Variants in RRBP1 observed in about 807,000 individuals in gnomAD.
RRBP1 encodes ribosome-binding protein 1.
A neutral mutation model predicts 165.2 loss-of-function variants in RRBP1; 94 were observed. The ratio of observed to expected loss-of-function variants is 0.57; its 90% CI spans 0.48 to 0.68. The LOEUF is 0.68. Ranked by LOEUF, RRBP1 falls within the 30% of genes least tolerant of loss-of-function variation. RRBP1 has a pLI of 0.00. For missense variants in RRBP1, 1,676 were observed against 1,763.0 expected (o/e 0.95, Z 0.88); for synonymous variants, 680 against 714.5 (o/e 0.95, Z 0.77).
intron 7 of RRBP1, among the ~76,000 whole-genome samples, 155 bp downstream of exon 7, chr20:17,635,391 C>G (rs2036228873): frequency 1.3e-5 from 2 of 152,224 alleles, no homozygotes; most frequent in South Asian, 4.1e-4. Context: ...CTCAGGGGCC[C>G]AGAACCCAGA....
At position 17,653,125 on chromosome 20, in the gene RRBP1, C is replaced by T. The variant is rs538572953; in HGVS notation, c.1912+5471G>A. 2.3e-3 allele frequency among the ~76,000 whole-genome samples: 350 copies of T among 152,348 alleles called. 1 individual carries two copies. Among genetic ancestry groups the T allele is most frequent in the Middle Eastern group, 6.8e-3 (2 of 294 alleles). On this transcript the variant is annotated intron_variant, in intron 3 of 24. Coordinates refer to ENST00000377813, the MANE Select transcript of RRBP1 (RefSeq NM_001365613.2). ...ACGGCCAAGCATCCAGAGAGCGCCA[C>T]CGACAACTGACTGCAGTGGTGGGAA...
At chr20:17,631,824 G>A (rs185069746) in intron 8 of RRBP1, among the ~76,000 whole-genome samples, 11 of 152,366 alleles carry the variant, frequency 7.2e-5, no homozygotes, top group Admixed American at 2.6e-4. Flanking sequence ...TGGCAGTGAA[G>A]GGGCCTCAGG....
chr20:17,658,812 GGTTT>G lies in RRBP1; in HGVS notation c.1692_1695del (p.Asn565ArgfsTer133). The G allele has an allele frequency of 6.2e-7, 1 of 1,613,996 alleles. No homozygotes were observed. Among genetic ancestry groups the G allele is most frequent in the Non-Finnish European group, 8.5e-7 (1 of 1,179,898 alleles). ...GGGGACCCTTCTGCTTTTTTCCCCT[GGTTT>G]GTAATACCCTCTACCTTTGTGCCCT... On this transcript the variant is annotated frameshift_variant, in exon 3 of 25. Transcript: ENST00000377813. LOFTEE classifies it high-confidence loss of function.
rs200284001 is a variant in RRBP1 at position 17,659,452 on chromosome 20, G to T, written c.1056C>A (p.Ala352=). 96 of 499,244 alleles carry T rather than the reference G, an allele frequency of 1.9e-4. 1 individual carries two copies. The highest frequency in any genetic ancestry group is 1.6e-3 in the Admixed American group (35 of 21,724). The allele number at this position is 499,244 out of a possible 1,614,324, so 30.9% of individuals were successfully genotyped here. ...TCTTGCCCTGATTCTGGGCCCCCTCGGCCTTCTTGCCCTGATTCTGGGCCC... is the reference window on the plus strand; with the variant it reads ...TCTTGCCCTGATTCTGGGCCCCCTCTGCCTTCTTGCCCTGATTCTGGGCCC... ...AEGAQNQGKK[A]EGAQNQGKKA... Residue 352 remains alanine (A), a synonymous_variant, in exon 3 of 25, where the codon GCC becomes GCA. Transcript: ENST00000377813.
intron 2 of RRBP1, among the ~76,000 whole-genome samples, chr20:17,663,158 G>A (rs899772592): frequency 7.2e-5 from 11 of 152,162 alleles, no homozygotes; most frequent in Non-Finnish European, 1.2e-4. Flanking sequence ...TTACCGAGTC[G>A]CGATTGGCAC....
At chr20:17,629,644 A>C in intron 9 of RRBP1, among the ~76,000 whole-genome samples, 179 bp downstream of exon 9, 1 of 142,976 alleles carries the variant, frequency 7.0e-6, no homozygotes, top group Non-Finnish European at 1.5e-5. Flanking sequence ...GCCCCCCGCC[A>C]GCCCCTGACT....
In RRBP1 at chr20:17,636,606, C is replaced by G. The variant is rs77969025; in HGVS notation, c.2308G>C (p.Val770Leu). 6.2e-7 allele frequency: 1 copy of G among 1,612,328 alleles called. No individual in the cohort carries two copies. Among genetic ancestry groups the G allele is most frequent in the Admixed American group, 1.7e-5 (1 of 60,032 alleles). The stretch of plus-strand genomic sequence containing the variant: ...CCCTGCAGCTGCTGCACCTCCTTCA[C>G]GTGCTCCCGGTAGCTGGCCTGCATG... ...ARMQASYREHVKEVQQLQGKI... is the reference protein window; with the variant it reads ...ARMQASYREHLKEVQQLQGKI... The change falls in exon 6 of 25, where the codon GTG (valine) becomes CTG (leucine). Residue 770 changes from valine to leucine, a missense_variant. Val to Leu is a conservative substitution (Grantham distance 32, BLOSUM62 1). Coordinates refer to ENST00000377813, the MANE Select transcript of RRBP1 (RefSeq NM_001365613.2).
At chr20:17,675,844 C>G (rs2037071166) in intron 2 of RRBP1, among the ~76,000 whole-genome samples, 1 of 152,124 alleles carries the variant, frequency 6.6e-6, no homozygotes, top group Non-Finnish European at 1.5e-5. Flanking sequence ...GCTCTGGCAA[C>G]AGACTAGAAG....
chr20:17,647,265 G>C (rs1258288531), intron 3 of RRBP1, among the ~76,000 whole-genome samples: 1 of 152,270 alleles, frequency 6.6e-6, no homozygotes, highest in Non-Finnish European at 1.5e-5. Context: ...AGGGCCATAA[G>C]GCAGAAGAGT....
chr20:17,637,909 T>C lies in RRBP1; in HGVS notation c.2185-1180A>G, dbSNP rs73262632. Among the ~76,000 whole-genome samples the C allele has an allele frequency of 6.3e-3, 960 of 152,308 alleles. 11 individuals carry two copies. Among genetic ancestry groups the C allele is most frequent in the African/African-American group, 0.022 (903 of 41,564 alleles). On this transcript the variant is annotated intron_variant, in intron 5 of 24. Coordinates refer to ENST00000377813, the MANE Select transcript of RRBP1 (RefSeq NM_001365613.2). ...CCCAGCACTGTCCCATTTAATTTTC[T>C]CTGGAAGACGAGGATTACAATCCCC...
intron 8 of RRBP1, 53 bp from the exon 9 acceptor site, chr20:17,630,014 C>T: frequency 6.4e-7 from 1 of 1,560,156 alleles, no homozygotes; most frequent in Non-Finnish European, 8.7e-7. Context: ...ACCAGGCCCT[C>T]AGCGGCTCTG....
chr20:17,633,122 A>G (rs948728509), intron 8 of RRBP1, among the ~76,000 whole-genome samples: 13 of 152,198 alleles, frequency 8.5e-5, no homozygotes, highest in African/African-American at 3.1e-4. Context: ...TAGTTGCTGA[A>G]CTTCTCTGCA....
chr20:17,632,128 G>A (rs1462920363), intron 8 of RRBP1, among the ~76,000 whole-genome samples: 1 of 152,190 alleles, frequency 6.6e-6, no homozygotes, highest in Non-Finnish European at 1.5e-5. Context: ...GCAGAGCCAG[G>A]ACCTGAACCC....
rs193253048 is a variant in RRBP1, at chr20:17,644,328, C to G, written c.1913-1201G>C. Reference sequence around the variant, plus strand: ...CCACGAAAACAGGTCCTGGCAAAAGCATGCCCCTTCAACCTTCTTTTCACT... The same window carrying G: ...CCACGAAAACAGGTCCTGGCAAAAGGATGCCCCTTCAACCTTCTTTTCACT... On this transcript the variant is annotated intron_variant, in intron 3 of 24. Coordinates refer to ENST00000377813, the MANE Select transcript of RRBP1 (RefSeq NM_001365613.2). 1.1e-3 allele frequency among the ~76,000 whole-genome samples: 174 copies of G among 151,326 alleles called. 3 individuals carry two copies. The highest frequency in any genetic ancestry group is 8.5e-3 in the Admixed American group (130 of 15,290).
intron 3 of RRBP1, among the ~76,000 whole-genome samples, chr20:17,652,869 T>C (rs193080193): frequency 6.3e-4 from 96 of 152,328 alleles, no homozygotes; most frequent in African/African-American, 2.1e-3. Flanking sequence ...CAAATAATTC[T>C]GGAACATGAA....
intron 11 of RRBP1, among the ~76,000 whole-genome samples, chr20:17,626,312 T>A (rs1026272077): frequency 1.3e-5 from 2 of 152,252 alleles, no homozygotes; most frequent in South Asian, 2.1e-4. Flanking sequence ...ACAACCTCTC[T>A]ACCCCAACAA....
intron 2 of RRBP1, among the ~76,000 whole-genome samples, chr20:17,674,492 G>A (rs996325426): frequency 2.0e-5 from 3 of 152,018 alleles, no homozygotes; most frequent in Non-Finnish European, 4.4e-5. Flanking sequence ...GGCCAGGCTC[G>A]GTGGCTCAAG....
At chr20:17,621,582 C>A in intron 15 of RRBP1, 35 bp from the exon 16 acceptor site, 1 of 1,595,808 alleles carries the variant, frequency 6.3e-7, no homozygotes, top group Non-Finnish European at 8.6e-7. Context: ...TAGTTAGCCA[C>A]ACACAAAGGT....
At chr20:17,658,265 G>C (rs899485612) in intron 3 of RRBP1, among the ~76,000 whole-genome samples, 1 of 152,146 alleles carries the variant, frequency 6.6e-6, no homozygotes, top group Non-Finnish European at 1.5e-5. Flanking sequence ...TGCCTCTGTT[G>C]TAACTATGAA....
Sources: allele counts gnomAD v4.1 joint callset (sites outside exome capture counted in the v4.1 genomes callset), GRCh38; gene constraint gnomAD v4.1.1; transcripts MANE v1.5; gene names NCBI Gene and HGNC (gene_info 2026-07-23, HGNC 2026-07-21).